Variants in MARCHF1 observed in about 807,000 individuals in gnomAD.
MARCHF1 encodes the protein membrane associated ring-CH-type finger 1.
A neutral mutation model predicts 54.2 loss-of-function variants in MARCHF1; 40 were observed. That is an observed-to-expected ratio of 0.74 (90% CI 0.57 to 0.96). The LOEUF (loss-of-function observed/expected upper bound fraction) is 0.96. Ranked by LOEUF, MARCHF1 falls within the 40% of genes least tolerant of loss-of-function variation. MARCHF1 has a pLI of 0.00. For synonymous variants in MARCHF1, 236 were observed against 236.3 expected, an observed-to-expected ratio of 1.00 and a Z score of 0.01; for missense variants, 586 against 656.5, an observed-to-expected ratio of 0.89 and a Z score of 1.17.
intron 1 of MARCHF1, among the ~76,000 whole-genome samples, chr4:164,356,687 G>A (rs1461866655): frequency 2.3e-4 from 29 of 126,838 alleles, no homozygotes; most frequent in Non-Finnish European, 4.3e-4. Context: ...TGGGTGCAGC[G>A]CACCAGCATG....
chr4:164,106,991 G>T (rs1315185784), intron 2 of MARCHF1, among the ~76,000 whole-genome samples: 3 of 152,036 alleles, frequency 2.0e-5, no homozygotes, highest in Admixed American at 6.6e-5. Context: ...GTCGTATTGA[G>T]GATACAGGCT....
At chr4:164,079,520 TAATA>T (rs1366707785) in intron 2 of MARCHF1, among the ~76,000 whole-genome samples, 3 of 152,182 alleles carry the variant, frequency 2.0e-5, no homozygotes, top group Non-Finnish European at 2.9e-5. Context: ...TCTTCTTATT[TAATA>T]GAGTTCGTAT....
At chr4:164,243,049 ACT>A (rs1410295644) in intron 1 of MARCHF1, among the ~76,000 whole-genome samples, 2 of 128,218 alleles carry the variant, frequency 1.6e-5, no homozygotes, top group Non-Finnish European at 3.2e-5. Flanking sequence ...GTTGGAAAAC[ACT>A]CTGCAGGATA....
intron 1 of MARCHF1, among the ~76,000 whole-genome samples, chr4:164,368,225 AATATC>A (rs1439632165): frequency 1.3e-5 from 2 of 151,484 alleles, no homozygotes; most frequent in Admixed American, 6.6e-5. Context: ...TAATAAAAAT[AATATC>A]ATATAATTCT....
chr4:163,538,620 CAA>C (rs1179105531), intron 9 of MARCHF1, among the ~76,000 whole-genome samples: 1 of 152,180 alleles, frequency 6.6e-6, no homozygotes, highest in Non-Finnish European at 1.5e-5. Context: ...AATGGCTTCT[CAA>C]GAGTAGTTTT....
chr4:164,056,131 C>T (rs569490851), intron 2 of MARCHF1, among the ~76,000 whole-genome samples: 2 of 152,220 alleles, frequency 1.3e-5, no homozygotes, highest in Admixed American at 1.3e-4. Context: ...TTCCCTTTAC[C>T]GTTTTCTAGT....
At chr4:164,080,625 C>T (rs1242862918) in intron 2 of MARCHF1, among the ~76,000 whole-genome samples, 2 of 150,718 alleles carry the variant, frequency 1.3e-5, no homozygotes, top group African/African-American at 4.9e-5. Flanking sequence ...ATGTGAATTT[C>T]AAAGAAATCT....
At chr4:164,326,999 G>GTA (rs1308186691) in intron 1 of MARCHF1, among the ~76,000 whole-genome samples, 57 of 149,114 alleles carry the variant, frequency 3.8e-4, no homozygotes, top group African/African-American at 1.3e-3. Flanking sequence ...GTGTGTGTGT[G>GTA]TATGACTTAG....
intron 1 of MARCHF1, among the ~76,000 whole-genome samples, chr4:164,331,117 C>T (rs1735423124): frequency 6.6e-6 from 1 of 152,052 alleles, no homozygotes; most frequent in Non-Finnish European, 1.5e-5. Context: ...CAATATTTCT[C>T]TTATCTCCTT....
chr4:163,595,354 AAAT>A (rs1740730100), intron 7 of MARCHF1, among the ~76,000 whole-genome samples: 1 of 105,924 alleles, frequency 9.4e-6, no homozygotes, highest in East Asian at 3.2e-4. Flanking sequence ...ACTAAAAATA[AAAT>A]AAAAAAAAAA....
chr4:163,769,045 A>G lies in MARCHF1; in HGVS notation c.112-68182T>C, dbSNP rs141900153. Among the ~76,000 whole-genome samples, 126 of 152,318 alleles carry G rather than the reference A, an allele frequency of 8.3e-4. No homozygotes were observed. In the East Asian group the frequency reaches 0.023, roughly 28 times the overall value. On this transcript the variant is annotated intron_variant, in intron 4 of 9. Coordinates refer to ENST00000514618, the MANE Select transcript of MARCHF1 (RefSeq NM_001394959.1). ...TAAGGCCCATTATTCCTTAGTTAGC[A>G]AAAGACTATTGTAGAGAGAGGTCTC...
intron 2 of MARCHF1, among the ~76,000 whole-genome samples, chr4:164,000,155 T>C (rs1441704295): frequency 6.6e-6 from 1 of 151,740 alleles, no homozygotes; most frequent in Non-Finnish European, 1.5e-5. Flanking sequence ...GTAATGTTTT[T>C]GCTATCATAA....
At chr4:164,013,532 C>G (rs1269132871) in intron 2 of MARCHF1, among the ~76,000 whole-genome samples, 2 of 151,912 alleles carry the variant, frequency 1.3e-5, no homozygotes, top group Admixed American at 6.6e-5. Flanking sequence ...TAGCCAAGTA[C>G]AAGAAGATTT....
At chr4:164,308,185 A>G (rs988503341) in intron 1 of MARCHF1, among the ~76,000 whole-genome samples, 1 of 152,124 alleles carries the variant, frequency 6.6e-6, no homozygotes, top group Non-Finnish European at 1.5e-5. Context: ...CATTCTAATT[A>G]GGAAAAAAAT....
chr4:164,091,359 T>C (rs961179829), intron 2 of MARCHF1, among the ~76,000 whole-genome samples: 1 of 145,312 alleles, frequency 6.9e-6, no homozygotes, highest in Admixed American at 7.0e-5. Context: ...TAGTGAAAAA[T>C]TACAAACATA....
intron 4 of MARCHF1, among the ~76,000 whole-genome samples, chr4:163,718,955 ATAT>A (rs1259449608): frequency 6.6e-6 from 1 of 152,230 alleles, no homozygotes; most frequent in Non-Finnish European, 1.5e-5. Context: ...TCTACATGAA[ATAT>A]TATACAGTTC....
In MARCHF1 at chr4:163,576,823, T is replaced by G. The variant is rs1001644714; in HGVS notation, c.1191+8926A>C. ...TATCCTTCTTTGTCCATTTTTACTG[T>G]TTTTTTTTAACTATTGGTTTAAAGT... On this transcript the variant is annotated intron_variant, in intron 8 of 9. Transcript: ENST00000514618. 4.1e-4 allele frequency among the ~76,000 whole-genome samples: 23 copies of G among 55,912 alleles called. 1 individual carries two copies. The highest frequency in any genetic ancestry group is 1.2e-3 in the African/African-American group (22 of 18,130). The allele number at this position is 55,912 out of a possible 152,430, so 36.7% of individuals were successfully genotyped here.
chr4:163,594,290 G>T (rs569086757), intron 7 of MARCHF1, among the ~76,000 whole-genome samples: 12 of 151,996 alleles, frequency 7.9e-5, no homozygotes, highest in Non-Finnish European at 1.6e-4. Context: ...ACATTATGTG[G>T]CCAAGTATGA....
chr4:163,844,548 AC>A (rs2111141809), intron 4 of MARCHF1, among the ~76,000 whole-genome samples: 1 of 152,298 alleles, frequency 6.6e-6, no homozygotes, highest in Admixed American at 6.5e-5. Context: ...TTTAAAAAAA[AC>A]CAAACTGCAT....
Sources: allele counts gnomAD v4.1 joint callset (sites outside exome capture counted in the v4.1 genomes callset), GRCh38; gene constraint gnomAD v4.1.1; transcripts MANE v1.5; gene names NCBI Gene and HGNC (gene_info 2026-07-23, HGNC 2026-07-21).